Variants in TENM2 observed in about 807,000 individuals in gnomAD.
TENM2 encodes the protein teneurin transmembrane protein 2.
A neutral mutation model predicts 245.2 loss-of-function variants in TENM2; 52 were observed. The observed-to-expected ratio is 0.21, with a 90% CI of 0.17 to 0.27. The LOEUF (loss-of-function observed/expected upper bound fraction) is 0.27. Ranked by LOEUF, TENM2 falls within the 10% of genes least tolerant of loss-of-function variation. The pLI is 1.00. For synonymous variants in TENM2, 1,363 were observed against 1,438.9 expected (o/e 0.95, Z 1.19); for missense variants, 3,046 against 3,666.8 (o/e 0.83, Z 4.37).
intron 4 of TENM2, among the ~76,000 whole-genome samples, chr5:167,966,607 C>G (rs1398442005): frequency 6.6e-6 from 1 of 152,168 alleles, no homozygotes; most frequent in Non-Finnish European, 1.5e-5. Context: ...GTAAATGAGG[C>G]TTTCACAGAG....
intron 27 of TENM2, among the ~76,000 whole-genome samples, chr5:168,257,708 C>T (rs367548484): frequency 1.5e-4 from 22 of 151,684 alleles, no homozygotes; most frequent in Non-Finnish European, 2.5e-4. Context: ...CTCTGCCTCC[C>T]GGGTTCAAGC....
chr5:168,045,883 C>G (rs964089973), intron 5 of TENM2, among the ~76,000 whole-genome samples: 1 of 152,202 alleles, frequency 6.6e-6, no homozygotes, highest in Non-Finnish European at 1.5e-5. Context: ...CTGGTCTCTT[C>G]AAGTGAGTGA....
At chr5:168,034,580 TA>T (rs964519543) in intron 5 of TENM2, among the ~76,000 whole-genome samples, 1 of 149,200 alleles carries the variant, frequency 6.7e-6, no homozygotes, top group Non-Finnish European at 1.5e-5. Context: ...CCATCTCTAC[TA>T]AAAAATTAAA....
intron 1 of TENM2, 136 bp downstream of exon 3, chr5:167,285,199 A>G: frequency 1.5e-6 from 1 of 651,108 alleles, no homozygotes. Context: ...GGTTCCATAA[A>G]GGACATTCCT....
chr5:166,986,446 ATTTCCT>A, the TENM2 span, among the ~76,000 whole-genome samples: 7 of 152,248 alleles, frequency 4.6e-5, no homozygotes, highest in South Asian at 2.1e-4. Flanking sequence ...CATTGTAGAA[ATTTCCT>A]TTTCAAATAG....
chr5:167,308,614 G>A (rs1246815579), intron 1 of TENM2, among the ~76,000 whole-genome samples: 1 of 152,170 alleles, frequency 6.6e-6, no homozygotes, highest in Non-Finnish European at 1.5e-5. Context: ...GCCCAGCAGA[G>A]ACAGCCTGTG....
chr5:167,146,201 C>CT, the TENM2 span, among the ~76,000 whole-genome samples: 1 of 152,096 alleles, frequency 6.6e-6, no homozygotes, highest in Non-Finnish European at 1.5e-5. Context: ...GCTAACTTGT[C>CT]TTGTTATGAA....
At chr5:167,338,821 C>G (rs945346979) in intron 1 of TENM2, among the ~76,000 whole-genome samples, 1 of 152,186 alleles carries the variant, frequency 6.6e-6, no homozygotes, top group Admixed American at 6.5e-5. Context: ...GAGGACTCTT[C>G]CTGGCTTGCA....
At chr5:167,066,343 G>A in the TENM2 span, among the ~76,000 whole-genome samples, 3 of 151,972 alleles carry the variant, frequency 2.0e-5, no homozygotes, top group Non-Finnish European at 4.4e-5. Flanking sequence ...TTATTCCATG[G>A]GTTAGTTCCT....
chr5:167,918,158 C>T (rs1018736234), intron 3 of TENM2, among the ~76,000 whole-genome samples: 8 of 152,134 alleles, frequency 5.3e-5, no homozygotes, highest in Non-Finnish European at 7.3e-5. Flanking sequence ...AGCCTTGCAT[C>T]TGTGAGATCA....
intron 2 of TENM2, among the ~76,000 whole-genome samples, chr5:167,749,137 C>G (rs1288791418): frequency 6.6e-6 from 1 of 151,832 alleles, no homozygotes; most frequent in African/African-American, 2.4e-5. Context: ...ATCACTTTTA[C>G]CATAATAATA....
intron 2 of TENM2, among the ~76,000 whole-genome samples, chr5:167,689,119 T>G (rs1757262404): frequency 6.6e-6 from 1 of 152,010 alleles, no homozygotes; most frequent in Admixed American, 6.6e-5. Flanking sequence ...TGCAAGAAAT[T>G]TATTGAGGGA....
At chr5:167,251,455 T>C in the TENM2 span, among the ~76,000 whole-genome samples, 1 of 152,156 alleles carries the variant, frequency 6.6e-6, no homozygotes, top group African/African-American at 2.4e-5. Context: ...AGATAATATT[T>C]TAATGTCTTA....
chr5:167,209,539 C>T, the TENM2 span, among the ~76,000 whole-genome samples: 1 of 152,132 alleles, frequency 6.6e-6, no homozygotes, highest in Non-Finnish European at 1.5e-5. Flanking sequence ...CAGGTTTGAG[C>T]CACCACACCT....
intron 1 of TENM2, among the ~76,000 whole-genome samples, chr5:167,344,186 A>C (rs1240001277): frequency 1.3e-5 from 2 of 148,746 alleles, no homozygotes; most frequent in African/African-American, 2.5e-5. Context: ...AGTAGAGAAT[A>C]CACACACACA....
chr5:167,160,153 C>T, the TENM2 span, among the ~76,000 whole-genome samples: 1 of 152,204 alleles, frequency 6.6e-6, no homozygotes, highest in African/African-American at 2.4e-5. Context: ...CCCAGGTTTG[C>T]AGAAGAGGAA....
rs111846762 is a variant in TENM2, at chr5:168,104,472, C to A, written c.1813+6345C>A. Among the ~76,000 whole-genome samples, 1,214 of 152,328 alleles carry A rather than the reference C, an allele frequency of 8.0e-3. 22 individuals are homozygous for A. The highest frequency in any genetic ancestry group is 0.028 in the African/African-American group (1,148 of 41,578). Reference sequence around the variant, plus strand: ...TGCCAGTTTCTGTGACTGCAGGCAGCCGGCAGACTCAGGCCCTCCTGCCAG... The same window carrying A: ...TGCCAGTTTCTGTGACTGCAGGCAGACGGCAGACTCAGGCCCTCCTGCCAG... On this transcript the variant is annotated intron_variant, in intron 9 of 28. Coordinates refer to ENST00000518659, the Ensembl canonical transcript of TENM2.
chr5:167,198,026 T>C, the TENM2 span, among the ~76,000 whole-genome samples: 2 of 151,960 alleles, frequency 1.3e-5, no homozygotes, highest in South Asian at 2.1e-4. Flanking sequence ...GCATTATTTG[T>C]ATTGGAATAT....
chr5:167,121,301 G>C, the TENM2 span, among the ~76,000 whole-genome samples: 1 of 152,118 alleles, frequency 6.6e-6, no homozygotes, highest in Non-Finnish European at 1.5e-5. Context: ...GTGGTGATGG[G>C]AAACAAATAA....
Sources: allele counts gnomAD v4.1 joint callset (sites outside exome capture counted in the v4.1 genomes callset), GRCh38; gene constraint gnomAD v4.1.1; transcripts MANE v1.5; gene names NCBI Gene and HGNC (gene_info 2026-07-23, HGNC 2026-07-21).